IL1RAPL1: variants seen among roughly 807,000 people sequenced by gnomAD.
IL1RAPL1 encodes interleukin-1 receptor accessory protein-like 1.
IL1RAPL1 carries 3 observed loss-of-function variants against 48.4 expected under a neutral mutation model. The ratio of observed to expected loss-of-function variants is 0.06; its 90% CI spans 0.03 to 0.16. IL1RAPL1 has a LOEUF of 0.16. IL1RAPL1 is among the 10% of genes least tolerant of loss of function. The probability of loss-of-function intolerance (pLI) is 1.00; values close to 1 mark genes in which losing one functional copy is unlikely to be tolerated. For synonymous variants in IL1RAPL1, 185 were observed against 187.7 expected (o/e 0.99, Z 0.12); for missense variants, 349 against 530.6 (o/e 0.66, Z 3.36).
At chrX:29,123,318 A>G (rs1262850115) in intron 2 of IL1RAPL1, among the ~76,000 whole-genome samples, 1 of 111,775 alleles carries the variant, frequency 8.9e-6, no homozygotes, top group Non-Finnish European at 1.9e-5. Flanking sequence ...CCGGCCCAAT[A>G]GCACATTTTA....
intron 2 of IL1RAPL1, among the ~76,000 whole-genome samples, chrX:28,984,722 A>C (rs1172372910): frequency 9.0e-6 from 1 of 111,481 alleles, no homozygotes; most frequent in East Asian, 2.8e-4. Context: ...CTGACCATGC[A>C]CACTAAACAC....
chrX:29,534,052 C>T (rs1192365953), intron 5 of IL1RAPL1, among the ~76,000 whole-genome samples: 1 of 111,701 alleles, frequency 9.0e-6, no homozygotes, highest in African/African-American at 3.3e-5. Context: ...TGCCCTTCCA[C>T]CATGAGATGA....
intron 4 of IL1RAPL1, 46 bp downstream of exon 4, chrX:29,396,490 G>A: frequency 1.8e-6 from 2 of 1,099,813 alleles, no homozygotes; most frequent in South Asian, 1.8e-5. Context: ...AATTAATTGT[G>A]CCTTATATTC....
chrX:29,896,361 G>A (rs1932383414), intron 6 of IL1RAPL1, among the ~76,000 whole-genome samples: 1 of 108,697 alleles, frequency 9.2e-6, no homozygotes. Flanking sequence ...CTTAACCAGG[G>A]GAGAAGACAG....
intron 5 of IL1RAPL1, among the ~76,000 whole-genome samples, chrX:29,586,694 CCTTG>C (rs751467843): frequency 4.5e-5 from 5 of 110,323 alleles, no homozygotes; most frequent in Non-Finnish European, 9.5e-5. Flanking sequence ...TTTGTTTGTG[CCTTG>C]CTTATTTTTT....
At chrX:28,842,721 C>T (rs1921406154) in intron 2 of IL1RAPL1, among the ~76,000 whole-genome samples, 1 of 111,635 alleles carries the variant, frequency 9.0e-6, no homozygotes, top group African/African-American at 3.2e-5. Context: ...AAAAGCTTGG[C>T]AGTATGAATT....
At chrX:29,523,401 T>G (rs1205162452) in intron 5 of IL1RAPL1, among the ~76,000 whole-genome samples, 1 of 111,897 alleles carries the variant, frequency 8.9e-6, no homozygotes. Flanking sequence ...TATGAGAAAG[T>G]ATGAGAATTC....
At chrX:28,913,608 T>G (rs767879010) in intron 2 of IL1RAPL1, among the ~76,000 whole-genome samples, 3 of 111,380 alleles carry the variant, frequency 2.7e-5, no homozygotes, top group African/African-American at 9.8e-5. Flanking sequence ...GAAAAATCAC[T>G]TGAGCCCAGG....
At chrX:29,266,058 C>T (rs955847951) in intron 2 of IL1RAPL1, among the ~76,000 whole-genome samples, 1 of 111,000 alleles carries the variant, frequency 9.0e-6, no homozygotes. Flanking sequence ...GTCAGTGTGG[C>T]GATTCCTCAG....
At chrX:28,740,152 A>G (rs1205232912) in intron 1 of IL1RAPL1, among the ~76,000 whole-genome samples, 2 of 111,854 alleles carry the variant, frequency 1.8e-5, no homozygotes, top group Non-Finnish European at 3.8e-5. Flanking sequence ...TAGAAATCAT[A>G]AATCCAATAA....
intron 3 of IL1RAPL1, among the ~76,000 whole-genome samples, chrX:29,393,226 A>G (rs914089168): frequency 1.8e-5 from 2 of 111,770 alleles, no homozygotes; most frequent in South Asian, 3.7e-4. Flanking sequence ...GGTTCACGCC[A>G]TTCTCGTGCC....
intron 5 of IL1RAPL1, among the ~76,000 whole-genome samples, chrX:29,516,398 C>T (rs1016182294): frequency 3.6e-5 from 4 of 111,416 alleles, no homozygotes; most frequent in Non-Finnish European, 7.5e-5. Flanking sequence ...TAGAGTAGTA[C>T]ATCACCATAT....
chrX:28,925,764 T>C (rs2147340026), intron 2 of IL1RAPL1, among the ~76,000 whole-genome samples: 1 of 110,692 alleles, frequency 9.0e-6, no homozygotes, highest in South Asian at 3.9e-4. Context: ...CTACTAAAAA[T>C]ACAAAATTTA....
At chrX:28,973,315 G>GT (rs200793652) in intron 2 of IL1RAPL1, among the ~76,000 whole-genome samples, 5,367 of 112,061 alleles carry the variant, frequency 0.048, 321 homozygotes, top group African/African-American at 0.16. Context: ...AAACCAATGC[G>GT]TTATGGCAAT....
intron 5 of IL1RAPL1, among the ~76,000 whole-genome samples, chrX:29,438,226 T>A (rs1261597529): frequency 4.5e-5 from 5 of 111,435 alleles, no homozygotes; most frequent in African/African-American, 1.6e-4. Flanking sequence ...ATAGCAATAG[T>A]GCCTGTTTCA....
chrX:29,879,171 T>G (rs1480291577), intron 6 of IL1RAPL1, among the ~76,000 whole-genome samples: 1 of 111,114 alleles, frequency 9.0e-6, no homozygotes, highest in Non-Finnish European at 1.9e-5. Context: ...GGTTACACAC[T>G]GTATAATTCC....
chrX:29,573,343 C>G (rs1475940417), intron 5 of IL1RAPL1, among the ~76,000 whole-genome samples: 1 of 112,592 alleles, frequency 8.9e-6, no homozygotes, highest in Non-Finnish European at 1.9e-5. Context: ...ATACAATTGA[C>G]TTTCCCAAGT....
intron 2 of IL1RAPL1, among the ~76,000 whole-genome samples, chrX:28,867,850 G>C (rs1020045783): frequency 3.6e-5 from 4 of 111,027 alleles, no homozygotes; most frequent in African/African-American, 1.3e-4. Flanking sequence ...ATTGCTTTCA[G>C]GTATGTCACT....
chrX:29,634,932 T>G (rs1924917254), intron 5 of IL1RAPL1, among the ~76,000 whole-genome samples: 1 of 111,640 alleles, frequency 9.0e-6, no homozygotes, highest in African/African-American at 3.3e-5. Context: ...CTCAAATACA[T>G]TAAAGAAGCA....
Sources: allele counts gnomAD v4.1 joint callset (sites outside exome capture counted in the v4.1 genomes callset), GRCh38; gene constraint gnomAD v4.1.1; transcripts MANE v1.5; gene names NCBI Gene and HGNC (gene_info 2026-07-23, HGNC 2026-07-21).